Variants in FGF5 observed in about 807,000 individuals in gnomAD.
The protein encoded by FGF5 is heparin-binding growth factor 5.
A neutral mutation model predicts 21.8 loss-of-function variants in FGF5; 23 were observed. The observed-to-expected ratio is 1.05, with a 90% CI of 0.76 to 1.49. The LOEUF is 1.49. FGF5 is among the 40% of genes most tolerant of loss of function. FGF5 has a pLI of 0.00. For missense variants in FGF5, 352 were observed against 332.9 expected, an observed-to-expected ratio of 1.06 and a Z score of -0.45; for synonymous variants, 158 against 124.0, an observed-to-expected ratio of 1.27 and a Z score of -1.82.
Position 80,286,449 on chromosome 4 carries a change from G to C in FGF5, c.584G>C (p.Arg195Thr). The C allele has an allele frequency of 6.2e-7, 1 of 1,613,972 alleles. No individual in the cohort carries two copies. Among genetic ancestry groups the C allele is most frequent in the Non-Finnish European group, 8.5e-7 (1 of 1,179,962 alleles). The change falls in exon 3 of 3, where the codon AGA becomes ACA. Residue 195 changes from arginine (R) to threonine (T), a missense_variant. Transcript: ENST00000312465. ...GAGTGGTATGTGGCCCTGAATAAAA[G>C]AGGAAAAGCCAAACGAGGGTGCAGC... ...GREWYVALNK[R>T]GKAKRGCSPR... is the part of the protein sequence containing the mutation.
At chr4:80,270,720 G>T (rs1283928466) in intron 1 of FGF5, among the ~76,000 whole-genome samples, 2 of 152,142 alleles carry the variant, frequency 1.3e-5, no homozygotes, top group Non-Finnish European at 2.9e-5. Context: ...TGAAGAATAG[G>T]CAATCAAGTA....
intron 2 of FGF5, among the ~76,000 whole-genome samples, chr4:80,283,202 C>T (rs1161949206): frequency 6.6e-6 from 1 of 152,178 alleles, no homozygotes; most frequent in Non-Finnish European, 1.5e-5. Context: ...ACTGCGTTTA[C>T]TCCCGTATTA....
chr4:80,275,934 C>T (rs1720398789), intron 2 of FGF5, among the ~76,000 whole-genome samples: 1 of 151,832 alleles, frequency 6.6e-6, no homozygotes, highest in Non-Finnish European at 1.5e-5. Context: ...ATCACTTTTT[C>T]AGTTTTCAAA....
chr4:80,278,421 A>C (rs952681475), intron 2 of FGF5, among the ~76,000 whole-genome samples: 2 of 152,136 alleles, frequency 1.3e-5, no homozygotes, highest in Non-Finnish European at 2.9e-5. Context: ...TTTAGAATCT[A>C]GAGAAGAGGG....
At chr4:80,270,960 G>C (rs1720255871) in intron 1 of FGF5, among the ~76,000 whole-genome samples, 1 of 152,186 alleles carries the variant, frequency 6.6e-6, no homozygotes, top group South Asian at 2.1e-4. Context: ...GAAAATTTCT[G>C]TTGCTAATTT....
At chr4:80,276,678 G>A (rs551426530) in intron 2 of FGF5, among the ~76,000 whole-genome samples, 89 of 147,028 alleles carry the variant, frequency 6.1e-4, no homozygotes, top group African/African-American at 2.1e-3. Context: ...AAAGTCCAAT[G>A]TATCATTCTC....
chr4:80,285,749 A>G (rs1163623311), intron 2 of FGF5, among the ~76,000 whole-genome samples: 1 of 152,120 alleles, frequency 6.6e-6, no homozygotes, highest in East Asian at 1.9e-4. Context: ...CTGAGTAAAG[A>G]TACGTTATTT....
At chr4:80,273,510 A>G (rs1401614497) in intron 1 of FGF5, among the ~76,000 whole-genome samples, 1 of 152,154 alleles carries the variant, frequency 6.6e-6, no homozygotes, top group African/African-American at 2.4e-5. Flanking sequence ...TTTTTGGTAA[A>G]CAGAATAATT....
rs1476169248 is a variant in FGF5 at position 80,289,412 on chromosome 4, G to T, written c.*2740G>T. On this transcript the variant is annotated 3_prime_UTR_variant, in exon 3 of 3. Coordinates refer to ENST00000312465, the MANE Select transcript of FGF5 (RefSeq NM_004464.4). ...CTAATGCTTACAACTTTCTAAGAGG[G>T]TTCTTGCTTATGTAGCTTTTTATTA... is the stretch of plus-strand genomic sequence containing the variant. 1 of 151,950 alleles carries T rather than the reference G, an allele frequency of 6.6e-6. No individual in the cohort carries two copies. The highest frequency in any genetic ancestry group is 1.5e-5 in the Non-Finnish European group (1 of 67,982). 9.4% of individuals were successfully genotyped at this position (151,950 alleles called of 1,614,324 possible).
In FGF5 at chr4:80,266,786, G is replaced by T; in HGVS notation, c.-39G>T. On this transcript the variant is annotated 5_prime_UTR_variant, in exon 1 of 3. Coordinates refer to ENST00000312465, the MANE Select transcript of FGF5 (RefSeq NM_004464.4). The stretch of plus-strand genomic sequence containing the variant: ...ACAGGGGCTACAGAGCCCAGAATCA[G>T]CCCTACAAGATGCACTTAGGACCCC... 9.3e-6 allele frequency: 14 copies of T among 1,502,730 alleles called. No homozygotes were observed. Among genetic ancestry groups the T allele is most frequent in the Non-Finnish European group, 1.3e-5 (14 of 1,117,590 alleles). The allele number at this position is 1,502,730 out of a possible 1,614,324, so 93.1% of individuals were successfully genotyped here. A position where few individuals can be genotyped will look rare whatever the true frequency, so the allele number is the denominator to read the frequency against.
At chr4:80,285,607 G>T (rs1314053571) in intron 2 of FGF5, among the ~76,000 whole-genome samples, 3 of 152,054 alleles carry the variant, frequency 2.0e-5, no homozygotes, top group Admixed American at 1.3e-4. Context: ...ATGTCTACTT[G>T]TCTGCTTTTC....
intron 2 of FGF5, among the ~76,000 whole-genome samples, chr4:80,282,561 G>A (rs1720583701): frequency 6.6e-6 from 1 of 152,084 alleles, no homozygotes; most frequent in Non-Finnish European, 1.5e-5. Context: ...CTGTAAAAGT[G>A]GCACCTAGCA....
In FGF5 at chr4:80,274,927, C is replaced by T. The variant is rs750762909; in HGVS notation, c.374C>T (p.Ala125Val). 1 of 1,572,836 alleles carries T rather than the reference C, an allele frequency of 6.4e-7. No individual in the cohort carries two copies. The highest frequency in any genetic ancestry group is 8.7e-7 in the Non-Finnish European group (1 of 1,148,568). The change falls in exon 2 of 3, where the codon GCT becomes GTT. Residue 125 changes from alanine (A) to valine (V), a missense_variant. By Grantham distance (64) the Ala-to-Val change is moderately conservative (BLOSUM62 0). Coordinates refer to ENST00000312465, the MANE Select transcript of FGF5 (RefSeq NM_004464.4). ...ANMLSVLEIF[A>V]VSQGIVGIRG... The stretch of plus-strand genomic sequence containing the variant: ...ATCCTAGGTGTTTTGGAAATATTTG[C>T]TGTGTCTCAGGGGATTGTAGGAATA...
Position 80,272,294 on chromosome 4 carries a change from T to C in FGF5, c.356-2615T>C, listed in dbSNP as rs34677015. Among the ~76,000 whole-genome samples the C allele has an allele frequency of 4.7e-4, 72 of 152,314 alleles. No homozygotes were observed. In the East Asian group the frequency reaches 0.013, roughly 28 times the overall value. On this transcript the variant is annotated intron_variant, in intron 1 of 2. Transcript: ENST00000312465. Reference sequence around the variant, plus strand: ...TAATTCTCAGGCACTATATCATTTTTATCCTGGAAGTTTTAAGAAGAAACC... The same window carrying C: ...TAATTCTCAGGCACTATATCATTTTCATCCTGGAAGTTTTAAGAAGAAACC...
Position 80,276,648 on chromosome 4 carries a change from C to T in FGF5, c.459+1636C>T, listed in dbSNP as rs35177571. Among the ~76,000 whole-genome samples the T allele has an allele frequency of 4.7e-3, 719 of 151,852 alleles. 4 individuals carry two copies. The highest frequency in any genetic ancestry group is 0.015 in the African/African-American group (609 of 41,398). ...GTTGTCTTTTACCCCCAGCCCCCTC[C>T]CCTTTCCCCCTGAGTTCCCAAAGTC... On this transcript the variant is annotated intron_variant, in intron 2 of 2. Coordinates refer to ENST00000312465, the MANE Select transcript of FGF5 (RefSeq NM_004464.4).
Position 80,280,652 on chromosome 4 carries a change from TCCTAATAGCAG to T in FGF5, c.459+5643_459+5653del, listed in dbSNP as rs1283683211. On this transcript the variant is annotated intron_variant, in intron 2 of 2. Transcript: ENST00000312465. ...GGCTGAAAAAAATCAGATAATACTA[TCCTAATAGCAG>T]CCATGGAATTACTGTGAGTTAAATT... 2.6e-5 allele frequency among the ~76,000 whole-genome samples: 4 copies of T among 152,264 alleles called. No homozygotes were observed. In the East Asian group the frequency reaches 7.7e-4, roughly 29 times the overall value.
intron 1 of FGF5, among the ~76,000 whole-genome samples, chr4:80,269,769 GTTGT>G (rs570865791): frequency 2.0e-3 from 298 of 150,622 alleles, no homozygotes; most frequent in African/African-American, 6.2e-3. Context: ...TTACTTTTGT[GTTGT>G]TTGTCTTCCA....
intron 1 of FGF5, among the ~76,000 whole-genome samples, chr4:80,271,736 T>A (rs1283634542): frequency 6.6e-6 from 1 of 152,214 alleles, no homozygotes; most frequent in Non-Finnish European, 1.5e-5. Flanking sequence ...AAATACTGCC[T>A]TGGCATCCAT....
In FGF5 at chr4:80,286,929, A is replaced by G; in HGVS notation, c.*257A>G. The G allele has an allele frequency of 2.9e-6, 1 of 347,884 alleles. No homozygotes were observed. Among genetic ancestry groups the G allele is most frequent in the Non-Finnish European group, 5.2e-6 (1 of 191,630 alleles). The allele number at this position is 347,884 out of a possible 1,614,324, so 21.5% of individuals were successfully genotyped here. On this transcript the variant is annotated 3_prime_UTR_variant, in exon 3 of 3. Transcript: ENST00000312465. ...GCCTTTTGCTTTATGCTTGAGGGAT[A>G]TTTAGAACTTTGTATTTTCGGAAAG...
Sources: gnomAD v4.1 joint callset for allele counts (sites outside exome capture counted in the v4.1 genomes callset) on GRCh38, gnomAD v4.1.1 for gene constraint, MANE v1.5 for transcripts, NCBI Gene and HGNC (gene_info 2026-07-23, HGNC 2026-07-21) for gene names.